The following LRRIQ3 variants were observed in gnomAD, a reference collection of about 807,000 sequenced individuals.
LRRIQ3 encodes leucine rich repeats and IQ motif containing 3.
In LRRIQ3, 75 loss-of-function variants were observed where a neutral mutation model predicts 59.3. The observed-to-expected ratio is 1.26, with a 90% CI of 1.05 to 1.53. The LOEUF (loss-of-function observed/expected upper bound fraction) is 1.53, where lower values mean the gene tolerates loss of function less well. Ranked by LOEUF, LRRIQ3 falls within the 40% of genes most tolerant of loss-of-function variation. The probability of loss-of-function intolerance (pLI) is 0.00; values close to 1 mark genes in which losing one functional copy is unlikely to be tolerated. For synonymous variants in LRRIQ3, 250 were observed against 231.3 expected (o/e 1.08, Z -0.73); for missense variants, 831 against 710.0 (o/e 1.17, Z -1.94).
chr1:74,198,060 A>T lies in LRRIQ3; in HGVS notation c.-65T>A. Reference sequence around the variant, plus strand: ...AGTGGCCCAGCCCCAACACAGTCAGACAAATCGCTGGGCGGCCATCTGCTC... The same window carrying T: ...AGTGGCCCAGCCCCAACACAGTCAGTCAAATCGCTGGGCGGCCATCTGCTC... On this transcript the variant is annotated 5_prime_UTR_variant, in exon 1 of 8. Transcript: ENST00000354431. The T allele has an allele frequency of 1.0e-6, 1 of 977,596 alleles. No individual in the cohort carries two copies. The highest frequency in any genetic ancestry group is 1.5e-6 in the Non-Finnish European group (1 of 688,878). The allele number at this position is 977,596 out of a possible 1,614,324, so 60.6% of individuals were successfully genotyped here. A position where few individuals can be genotyped will look rare whatever the true frequency, so the allele number is the denominator to read the frequency against.
At chr1:74,033,688 A>T (rs1653786241) in intron 7 of LRRIQ3, among the ~76,000 whole-genome samples, 1 of 151,972 alleles carries the variant, frequency 6.6e-6, no homozygotes, top group Non-Finnish European at 1.5e-5. Flanking sequence ...GGAAGTTAAC[A>T]ATGATTATGG....
intron 6 of LRRIQ3, among the ~76,000 whole-genome samples, chr1:74,069,431 A>G (rs1654958369): frequency 6.6e-6 from 1 of 152,034 alleles, no homozygotes; most frequent in Non-Finnish European, 1.5e-5. Flanking sequence ...TTCATGAAGT[A>G]TAGCATTATT....
chr1:74,078,902 C>A (rs1442542566), intron 5 of LRRIQ3, among the ~76,000 whole-genome samples: 1 of 151,778 alleles, frequency 6.6e-6, no homozygotes, highest in East Asian at 1.9e-4. Context: ...TTTTGATCAA[C>A]TCAGAAATAC....
chr1:74,057,373 A>C (rs1019857325), intron 6 of LRRIQ3, among the ~76,000 whole-genome samples: 2 of 152,190 alleles, frequency 1.3e-5, no homozygotes, highest in African/African-American at 4.8e-5. Flanking sequence ...TAACCAAAGC[A>C]GAATGGTACT....
At chr1:74,048,974 T>A (rs2100409877) in intron 6 of LRRIQ3, among the ~76,000 whole-genome samples, 1 of 152,166 alleles carries the variant, frequency 6.6e-6, no homozygotes, top group Non-Finnish European at 1.5e-5. Flanking sequence ...CTGATAAAAA[T>A]TAATTGGCAG....
chr1:74,077,500 C>T (rs924713717), intron 5 of LRRIQ3, among the ~76,000 whole-genome samples: 1 of 151,792 alleles, frequency 6.6e-6, no homozygotes, highest in South Asian at 2.1e-4. Flanking sequence ...CAAACTCTAT[C>T]ACAAATACAG....
chr1:74,158,464 A>G (rs1316542598), intron 3 of LRRIQ3, among the ~76,000 whole-genome samples: 1 of 152,106 alleles, frequency 6.6e-6, no homozygotes, highest in African/African-American at 2.4e-5. Flanking sequence ...GCTTTTTGCC[A>G]TCTGTATTTC....
intron 4 of LRRIQ3, among the ~76,000 whole-genome samples, chr1:74,123,458 C>G (rs1646891194): frequency 6.6e-6 from 1 of 151,934 alleles, no homozygotes; most frequent in South Asian, 2.1e-4. Context: ...ACCCTACTAC[C>G]CTTCCCAGCT....
chr1:74,133,425 C>T (rs374177281), intron 4 of LRRIQ3, among the ~76,000 whole-genome samples: 47 of 151,872 alleles, frequency 3.1e-4, no homozygotes, highest in East Asian at 3.9e-4. Context: ...ATGTTTATTG[C>T]GGCACTATTC....
intron 6 of LRRIQ3, among the ~76,000 whole-genome samples, chr1:74,058,788 C>T (rs1654614264): frequency 6.6e-6 from 1 of 152,010 alleles, no homozygotes; most frequent in Admixed American, 6.6e-5. Context: ...CTATTGATCA[C>T]TGTGCAATGT....
chr1:74,109,663 G>A, intron 4 of LRRIQ3, 110 bp from the exon 5 acceptor site: 4 of 818,796 alleles, frequency 4.9e-6, no homozygotes, highest in Non-Finnish European at 7.3e-6. Flanking sequence ...TAAATTGAAT[G>A]TAATAATATA....
intron 7 of LRRIQ3, among the ~76,000 whole-genome samples, chr1:74,038,421 G>A (rs1267493247): frequency 2.6e-5 from 4 of 152,162 alleles, no homozygotes; most frequent in Admixed American, 6.5e-5. Flanking sequence ...AGACAAGTGG[G>A]TTTCCCCCCC....
chr1:74,147,227 CA>C (rs1261672923), intron 4 of LRRIQ3, among the ~76,000 whole-genome samples: 1 of 151,962 alleles, frequency 6.6e-6, no homozygotes, highest in African/African-American at 2.4e-5. Flanking sequence ...GACTCTGCAT[CA>C]AAAGAAAAGA....
At chr1:74,040,211 TA>T (rs990723103) in intron 7 of LRRIQ3, among the ~76,000 whole-genome samples, 1 of 152,000 alleles carries the variant, frequency 6.6e-6, no homozygotes, top group Non-Finnish European at 1.5e-5. Context: ...TACATAATGG[TA>T]AAGAGATCAA....
At chr1:74,171,415 T>C (rs1649314883) in intron 3 of LRRIQ3, among the ~76,000 whole-genome samples, 1 of 152,210 alleles carries the variant, frequency 6.6e-6, no homozygotes, top group South Asian at 2.1e-4. Context: ...GTGTGATTTT[T>C]ATTATTCATT....
chr1:74,035,137 A>G (rs1049249585), intron 7 of LRRIQ3, among the ~76,000 whole-genome samples: 2 of 152,202 alleles, frequency 1.3e-5, no homozygotes, highest in South Asian at 2.1e-4. Context: ...GAGCAATACA[A>G]ATGATTCTTC....
chr1:74,178,139 T>G (rs1649758811), intron 3 of LRRIQ3, among the ~76,000 whole-genome samples: 1 of 151,944 alleles, frequency 6.6e-6, no homozygotes, highest in Non-Finnish European at 1.5e-5. Context: ...TAATATATAT[T>G]TGCTTAGCAT....
In LRRIQ3 at chr1:74,041,561, A is replaced by T. The variant is rs1446893157; in HGVS notation, c.1370T>A (p.Val457Asp). The change falls in exon 7 of 8, where the codon GTT becomes GAT. Residue 457 changes from valine to aspartate, a missense_variant. By Grantham distance (152) the Val-to-Asp change is radical. Transcript: ENST00000354431. ...TTTTTTCTGATTCAAATGTTCATTA[A>T]CAGCTACTCTAACTCTTTCTCGAGC... ...QVARERVRVA[V>D]NEHLNQKKYA... The T allele has an allele frequency of 6.2e-7, 1 of 1,613,244 alleles. No homozygotes were observed. The highest frequency in any genetic ancestry group is 1.1e-5 in the South Asian group (1 of 90,798).
At chr1:74,149,602 A>G (rs868796248) in intron 4 of LRRIQ3, among the ~76,000 whole-genome samples, 2 of 152,226 alleles carry the variant, frequency 1.3e-5, no homozygotes, top group South Asian at 4.1e-4. Flanking sequence ...ATTCTTAAAT[A>G]TATTAATTTT....
Sources: gnomAD v4.1 joint callset for allele counts (sites outside exome capture counted in the v4.1 genomes callset) on GRCh38, gnomAD v4.1.1 for gene constraint, MANE v1.5 for transcripts, NCBI Gene and HGNC (gene_info 2026-07-23, HGNC 2026-07-21) for gene names.